Variants in CRACD observed in about 807,000 individuals in gnomAD.
CRACD encodes capping protein-inhibiting regulator of actin dynamics.
Under a neutral mutation model 106.8 loss-of-function variants are expected in CRACD, and 56 were observed. That is an observed-to-expected ratio of 0.52 (90% CI 0.42 to 0.66). The LOEUF is 0.66. Ranked by LOEUF, CRACD falls within the 30% of genes least tolerant of loss-of-function variation. The probability of loss-of-function intolerance (pLI) is 0.00; values close to 1 mark genes in which losing one functional copy is unlikely to be tolerated. For synonymous variants in CRACD, 754 were observed against 670.8 expected (o/e 1.12, Z -1.92); for missense variants, 1,730 against 1,623.2 (o/e 1.07, Z -1.13).
chr4:56,219,760 G>A (rs114768249), intron 2 of CRACD, among the ~76,000 whole-genome samples: 2,584 of 152,264 alleles, frequency 0.017, 68 homozygotes, highest in African/African-American at 0.058. Context: ...TGAGCATTGG[G>A]TCACTAGGTG....
At chr4:56,277,005 C>T (rs1032443871) in intron 3 of CRACD, among the ~76,000 whole-genome samples, 1 of 152,174 alleles carries the variant, frequency 6.6e-6, no homozygotes, top group Non-Finnish European at 1.5e-5. Flanking sequence ...GGGCCTTGAG[C>T]TGATTCCAAA....
chr4:56,079,227 T>G (rs1312724446), intron 1 of CRACD, among the ~76,000 whole-genome samples: 1 of 152,166 alleles, frequency 6.6e-6, no homozygotes, highest in African/African-American at 2.4e-5. Context: ...AATAGGCTTT[T>G]CATTTCACTG....
rs766349052 is a variant in CRACD at position 56,310,663 on chromosome 4, C to T, written c.286-3C>T. 1 of 1,604,180 alleles carries T rather than the reference C, an allele frequency of 6.2e-7. No homozygotes were observed. The highest frequency in any genetic ancestry group is 2.2e-5 in the East Asian group (1 of 44,830). ...TGACTTGAATGCTCTCTTACTGTTC[C>T]AGTCCAGTGATACGCCAAGTTCTCT... On this transcript the variant is annotated splice_polypyrimidine_tract_variant and splice_region_variant and intron_variant, in intron 5 of 10. Coordinates refer to ENST00000682029, the MANE Select transcript of CRACD (RefSeq NM_001393381.1).
At chr4:56,261,881 G>A (rs1741728716) in intron 2 of CRACD, among the ~76,000 whole-genome samples, 1 of 152,066 alleles carries the variant, frequency 6.6e-6, no homozygotes, top group Non-Finnish European at 1.5e-5. Flanking sequence ...TTCTATTTAG[G>A]TGCATATAGT....
chr4:56,091,587 T>G (rs1733426870), intron 1 of CRACD, among the ~76,000 whole-genome samples: 1 of 152,148 alleles, frequency 6.6e-6, no homozygotes, highest in East Asian at 1.9e-4. Context: ...TTTCAGGGGC[T>G]GTGGGAAAGT....
At chr4:56,293,764 C>T (rs1743829842) in intron 3 of CRACD, among the ~76,000 whole-genome samples, 3 of 152,224 alleles carry the variant, frequency 2.0e-5, no homozygotes, top group Admixed American at 2.0e-4. Flanking sequence ...GGGGATTATG[C>T]TGAACCGTTC....
chr4:56,315,571 A>G lies in CRACD; in HGVS notation c.2069A>G (p.Gln690Arg). The change falls in exon 8 of 11, where the codon CAG becomes CGG. Residue 690 changes from glutamine to arginine, a missense_variant. Coordinates refer to ENST00000682029, the MANE Select transcript of CRACD (RefSeq NM_001393381.1). The surrounding 1 kb of genome is among the most constrained non-coding windows in gnomAD (Gnocchi z 4.1). ...ESDPRSSERD[Q>R]LRPGDESTPR... ...GACCCGCGCAGCAGCGAGAGGGACC[A>G]GTTGAGGCCCGGTGATGAGTCCACT... 15 of 1,614,176 alleles carry G rather than the reference A, an allele frequency of 9.3e-6. No individual in the cohort carries two copies. Among genetic ancestry groups the G allele is most frequent in the Non-Finnish European group, 1.3e-5 (15 of 1,180,038 alleles).
intron 1 of CRACD, among the ~76,000 whole-genome samples, chr4:56,105,072 T>A (rs1577964820): frequency 6.6e-6 from 1 of 152,164 alleles, no homozygotes; most frequent in South Asian, 2.1e-4. Flanking sequence ...ATATTATTGA[T>A]CTTTCAAATG....
At chr4:56,072,972 G>A (rs35736349) in intron 1 of CRACD, among the ~76,000 whole-genome samples, 55,035 of 151,950 alleles carry the variant, frequency 0.36, 11,375 homozygotes, top group African/African-American at 0.57. Flanking sequence ...GCCATGTTGT[G>A]TATGTGCCAC....
chr4:56,086,365 C>T (rs1733219933), intron 1 of CRACD, among the ~76,000 whole-genome samples: 2 of 151,968 alleles, frequency 1.3e-5, no homozygotes, highest in African/African-American at 4.8e-5. Context: ...ACAGCCTTGA[C>T]CTCCTGGCCT....
At chr4:56,249,664 G>T (rs1396565739) in intron 2 of CRACD, among the ~76,000 whole-genome samples, 1 of 152,162 alleles carries the variant, frequency 6.6e-6, no homozygotes, top group East Asian at 1.9e-4. Context: ...ACCCCTTGGA[G>T]TATTTTGGAG....
At chr4:56,201,040 T>C in intron 2 of CRACD, among the ~76,000 whole-genome samples, 1 of 152,216 alleles carries the variant, frequency 6.6e-6, no homozygotes, top group East Asian at 1.9e-4. Flanking sequence ...ACCAAACTCT[T>C]GTTCTTTTTT....
intron 2 of CRACD, among the ~76,000 whole-genome samples, chr4:56,229,627 T>A (rs1476570534): frequency 6.6e-6 from 1 of 152,192 alleles, no homozygotes; most frequent in Non-Finnish European, 1.5e-5. Context: ...TCAAGCACAA[T>A]AAGAAATCCA....
chr4:56,302,489 G>C (rs1367177535), intron 4 of CRACD, among the ~76,000 whole-genome samples: 1 of 151,986 alleles, frequency 6.6e-6, no homozygotes, highest in Non-Finnish European at 1.5e-5. Context: ...ATCCTGAGTG[G>C]CTTGTATCTC....
At chr4:56,064,870 G>A (rs1041111486) in intron 1 of CRACD, among the ~76,000 whole-genome samples, 59 of 152,072 alleles carry the variant, frequency 3.9e-4, no homozygotes, top group African/African-American at 1.4e-3. Flanking sequence ...CCAAAATACA[G>A]TGCCCTCTTA....
intron 2 of CRACD, among the ~76,000 whole-genome samples, chr4:56,179,739 C>T (rs11133429): frequency 0.045 from 6,894 of 152,174 alleles, 695 homozygotes; most frequent in East Asian, 0.4. Flanking sequence ...GGTTATCACC[C>T]GGGTGCAGTG....
At chr4:56,256,712 A>G (rs1435174046) in intron 2 of CRACD, among the ~76,000 whole-genome samples, 1 of 152,216 alleles carries the variant, frequency 6.6e-6, no homozygotes, top group Non-Finnish European at 1.5e-5. Context: ...AGTGGCCCAA[A>G]TGCCCATGGT....
At chr4:56,230,938 A>T (rs1227776536) in intron 2 of CRACD, among the ~76,000 whole-genome samples, 2 of 152,230 alleles carry the variant, frequency 1.3e-5, no homozygotes, top group Non-Finnish European at 2.9e-5. Context: ...GGAGAATGTC[A>T]TCGCCTCTGA....
intron 1 of CRACD, among the ~76,000 whole-genome samples, chr4:56,120,474 A>T (rs1734446943): frequency 6.6e-6 from 1 of 152,248 alleles, no homozygotes; most frequent in Non-Finnish European, 1.5e-5. Flanking sequence ...ATTTTCTAAG[A>T]AATTACCAAA....
Sources: gnomAD v4.1 joint callset for allele counts (sites outside exome capture counted in the v4.1 genomes callset) on GRCh38, gnomAD v4.1.1 for gene constraint, Gnocchi (gnomAD v3.1) non-coding constraint, MANE v1.5 for transcripts, NCBI Gene and HGNC (gene_info 2026-07-23, HGNC 2026-07-21) for gene names.